The following MBD2 variants were observed in gnomAD, a reference collection of about 807,000 sequenced individuals.
The protein encoded by MBD2 is methyl-CpG-binding domain protein 2.
MBD2 carries 9 observed loss-of-function variants against 39.3 expected under a neutral mutation model. That is an observed-to-expected ratio of 0.23 (90% CI 0.14 to 0.40). The LOEUF is 0.40. MBD2 is among the 10% of genes least tolerant of loss of function. The pLI, the probability that MBD2 is intolerant of heterozygous loss-of-function variation, is 1.00. For synonymous variants in MBD2, 233 were observed against 211.1 expected (o/e 1.10, Z -0.90); for missense variants, 458 against 532.6 (o/e 0.86, Z 1.38).
At chr18:54,211,919 A>C (rs957127377) in intron 1 of MBD2, among the ~76,000 whole-genome samples, 1 of 151,208 alleles carries the variant, frequency 6.6e-6, no homozygotes, top group Non-Finnish European at 1.5e-5. Context: ...GCAATGGCAC[A>C]ATCTCAGCTC....
chr18:54,171,325 A>C (rs1055293900), intron 3 of MBD2, among the ~76,000 whole-genome samples: 1 of 152,034 alleles, frequency 6.6e-6, no homozygotes, highest in Non-Finnish European at 1.5e-5. Context: ...TGAACCCAGG[A>C]GGTGGAGGTT....
rs756585233 is a variant in MBD2 at position 54,224,214 on chromosome 18, T to TGCCGCCGCCGCCGCCGCAGCC, written c.345_346insGGCTGCGGCGGCGGCGGCGGC (p.Gly115_Ser116insGlyCysGlyGlyGlyGlyGly). ...CGCCGGGGGGCGCCGCCGCCACCGC[T>TGCCGCCGCCGCCGCCGCAGCC]GCCGCCGCCGCCGCAGCCGCCGCCG... On this transcript the variant is annotated inframe_insertion, in exon 1 of 7. Transcript: ENST00000256429. 8.9e-7 allele frequency: 1 copy of TGCCGCCGCCGCCGCCGCAGCC among 1,120,112 alleles called. No individual in the cohort carries two copies. Among genetic ancestry groups the TGCCGCCGCCGCCGCCGCAGCC allele is most frequent in the African/African-American group, 1.7e-5 (1 of 59,902 alleles). 69.4% of individuals were successfully genotyped at this position (1,120,112 alleles called of 1,614,324 possible). A position where few individuals can be genotyped will look rare whatever the true frequency, so the allele number is the denominator to read the frequency against.
intron 3 of MBD2, among the ~76,000 whole-genome samples, chr18:54,187,316 T>A (rs992196780): frequency 6.6e-6 from 1 of 152,238 alleles, no homozygotes; most frequent in African/African-American, 2.4e-5. Context: ...CATTCCACCT[T>A]CTTTATCTTT....
chr18:54,173,697 T>A (rs746807369), intron 3 of MBD2, among the ~76,000 whole-genome samples: 1 of 152,130 alleles, frequency 6.6e-6, no homozygotes, highest in Non-Finnish European at 1.5e-5. Context: ...TTGTTTCTCA[T>A]TGGGAGGAAC....
intron 3 of MBD2, among the ~76,000 whole-genome samples, chr18:54,171,173 G>A (rs762602873): frequency 4.6e-5 from 7 of 151,948 alleles, no homozygotes; most frequent in Admixed American, 2.6e-4. Context: ...AGGCCGAGGC[G>A]GGCAGATCAT....
At chr18:54,209,212 G>A (rs375188191) in intron 1 of MBD2, among the ~76,000 whole-genome samples, 8 of 147,704 alleles carry the variant, frequency 5.4e-5, no homozygotes, top group Non-Finnish European at 1.2e-4. Flanking sequence ...CAGTAGAATT[G>A]CTTGAACCTG....
chr18:54,171,848 A>T (rs2086181605), intron 3 of MBD2, among the ~76,000 whole-genome samples: 1 of 152,264 alleles, frequency 6.6e-6, no homozygotes. Flanking sequence ...AAACGGAAGC[A>T]TGGGGAACTT....
At chr18:54,209,889 C>T (rs987217334) in intron 1 of MBD2, among the ~76,000 whole-genome samples, 2 of 152,218 alleles carry the variant, frequency 1.3e-5, no homozygotes, top group East Asian at 1.9e-4. Context: ...TGTCTACCCT[C>T]AATAATGGCT....
intron 2 of MBD2, chr18:54,202,807 A>T: frequency 6.5e-7 from 1 of 1,550,064 alleles, no homozygotes; most frequent in Non-Finnish European, 8.7e-7. Flanking sequence ...AAAGCAAAAA[A>T]AGACATGGTC....
At chr18:54,214,808 T>G (rs890001173) in intron 1 of MBD2, among the ~76,000 whole-genome samples, 3 of 151,402 alleles carry the variant, frequency 2.0e-5, no homozygotes, top group Non-Finnish European at 4.4e-5. Context: ...GGTGCGATCT[T>G]GGCTCACTGC....
chr18:54,221,016 A>G (rs1296683558), intron 1 of MBD2, among the ~76,000 whole-genome samples: 1 of 152,212 alleles, frequency 6.6e-6, no homozygotes, highest in Non-Finnish European at 1.5e-5. Context: ...AATCTGTTCA[A>G]TGTGTCCTTC....
intron 1 of MBD2, among the ~76,000 whole-genome samples, chr18:54,213,174 C>T (rs193278882): frequency 2.0e-5 from 3 of 152,162 alleles, no homozygotes. Flanking sequence ...TTCACGGATC[C>T]CTAAGCCCTA....
intron 1 of MBD2, 35 bp downstream of exon 1, chr18:54,223,983 A>AGTCC: frequency 1.3e-6 from 1 of 745,316 alleles, no homozygotes; most frequent in Non-Finnish European, 2.2e-6. Context: ...CCCCGGCCTG[A>AGTCC]CCCCGCCACC....
chr18:54,156,080 C>A (rs1228739978), intron 6 of MBD2, among the ~76,000 whole-genome samples: 1 of 152,086 alleles, frequency 6.6e-6, no homozygotes, highest in Admixed American at 6.5e-5. Context: ...CTCTTATGAG[C>A]CCGTGAAGAT....
intron 5 of MBD2, chr18:54,160,145 A>C (rs1388997857): frequency 2.3e-6 from 1 of 426,068 alleles, no homozygotes; most frequent in Non-Finnish European, 4.3e-6. Context: ...TAGAAAGAGC[A>C]GATTGACGTC....
At chr18:54,186,785 A>T (rs895324593) in intron 3 of MBD2, among the ~76,000 whole-genome samples, 9 of 152,212 alleles carry the variant, frequency 5.9e-5, no homozygotes, top group African/African-American at 2.2e-4. Flanking sequence ...GGCCTGCTAA[A>T]TAATTTTAAA....
At chr18:54,203,646 G>A (rs2086425881) in intron 2 of MBD2, among the ~76,000 whole-genome samples, 1 of 152,166 alleles carries the variant, frequency 6.6e-6, no homozygotes, top group South Asian at 2.1e-4. Context: ...TCAATTATCA[G>A]GAATTATATT....
intron 2 of MBD2, among the ~76,000 whole-genome samples, chr18:54,198,093 C>A (rs1268387345): frequency 6.6e-6 from 1 of 152,230 alleles, no homozygotes; most frequent in Non-Finnish European, 1.5e-5. Context: ...ATGGAGGAAT[C>A]CTACGAAGGT....
At chr18:54,160,799 G>C (rs1381295009) in intron 5 of MBD2, among the ~76,000 whole-genome samples, 2 of 151,990 alleles carry the variant, frequency 1.3e-5, no homozygotes, top group Non-Finnish European at 1.5e-5. Flanking sequence ...CAAGAGAAGA[G>C]AGAAGACTGG....
Sources: gnomAD v4.1 joint callset for allele counts (sites outside exome capture counted in the v4.1 genomes callset) on GRCh38, gnomAD v4.1.1 for gene constraint, MANE v1.5 for transcripts, NCBI Gene and HGNC (gene_info 2026-07-23, HGNC 2026-07-21) for gene names.